The following SFT2D1 variants were observed in gnomAD, a reference collection of about 807,000 sequenced individuals.
The protein encoded by SFT2D1 is SFT2 domain containing 1.
In SFT2D1, 24 loss-of-function variants were observed where a neutral mutation model predicts 28.1. That is an observed-to-expected ratio of 0.85 (90% confidence interval 0.62 to 1.20). The LOEUF (loss-of-function observed/expected upper bound fraction) is 1.20. Ranked by LOEUF, SFT2D1 falls within the 50% of genes most tolerant of loss-of-function variation. The pLI is 0.00. For missense variants in SFT2D1, 181 were observed against 190.9 expected (o/e 0.95, Z 0.31); for synonymous variants, 82 against 73.7 (o/e 1.11, Z -0.58).
intron 1 of SFT2D1, among the ~76,000 whole-genome samples, chr6:166,341,087 C>T (rs958759973): frequency 2.0e-5 from 3 of 152,178 alleles, no homozygotes; most frequent in Non-Finnish European, 4.4e-5. Context: ...GCCTACTGAA[C>T]ATGTGAAATG....
chr6:166,330,082 C>A, intron 2 of SFT2D1, 79 bp downstream of exon 2: 1 of 1,094,180 alleles, frequency 9.1e-7, no homozygotes. Flanking sequence ...TAGTAAAGGA[C>A]ATTAGTTTTT....
chr6:166,320,011 T>C lies in SFT2D1; in HGVS notation c.*206A>G, dbSNP rs1355531908. ...AAATCTTATCTTTGGAAAAGTATAT[T>C]AATGACACATAATGAATTTAAAGTT... On this transcript the variant is annotated 3_prime_UTR_variant, in exon 8 of 8. Transcript: ENST00000361731. 2.0e-6 allele frequency: 1 copy of C among 511,540 alleles called. No individual in the cohort carries two copies. Among genetic ancestry groups the C allele is most frequent in the Non-Finnish European group, 3.4e-6 (1 of 291,472 alleles). The allele number at this position is 511,540 out of a possible 1,614,324, so 31.7% of individuals were successfully genotyped here.
rs1778316211 is a variant in SFT2D1, at chr6:166,319,931, G to T, written c.*286C>A. The T allele has an allele frequency of 1.0e-5, 3 of 300,406 alleles. No homozygotes were observed. 18.6% of individuals were successfully genotyped at this position (300,406 alleles called of 1,614,324 possible). A position where few individuals can be genotyped will look rare whatever the true frequency, so the allele number is the denominator to read the frequency against. On this transcript the variant is annotated 3_prime_UTR_variant, in exon 8 of 8. Coordinates refer to ENST00000361731, the MANE Select transcript of SFT2D1 (RefSeq NM_145169.3). Reference sequence around the variant, plus strand: ...CTTTAAATATTCACATTTCAAAGCTGCTTTGAAAAGATTTAAAAATTGGCT... The same window carrying T: ...CTTTAAATATTCACATTTCAAAGCTTCTTTGAAAAGATTTAAAAATTGGCT...
rs1164302007 is a variant in SFT2D1, at chr6:166,342,385, G to A, written c.63+34C>T. 3 of 1,538,702 alleles carry A rather than the reference G, an allele frequency of 1.9e-6. No homozygotes were observed. The South Asian group carries it at 3.6e-5, about 18-fold the overall frequency. On this transcript the variant is annotated intron_variant, in intron 1 of 7. Coordinates refer to ENST00000361731, the MANE Select transcript of SFT2D1 (RefSeq NM_145169.3). ...TCAGTGCGGCCGGGGCCAGCGGGCA[G>A]CCCCGGGACTGGACGAGGGCGCAAG...
At chr6:166,320,922 G>A (rs1220773183) in intron 7 of SFT2D1, among the ~76,000 whole-genome samples, 1 of 152,182 alleles carries the variant, frequency 6.6e-6, no homozygotes, top group Non-Finnish European at 1.5e-5. Flanking sequence ...TGGCCAACAT[G>A]GTGAAACCCC....
intron 7 of SFT2D1, among the ~76,000 whole-genome samples, chr6:166,322,152 G>A (rs1389285015): frequency 6.6e-6 from 1 of 152,080 alleles, no homozygotes; most frequent in Admixed American, 6.5e-5. Flanking sequence ...CAAAGTGCTA[G>A]GATTACAGGT....
At chr6:166,339,959 C>A (rs749408170) in intron 1 of SFT2D1, among the ~76,000 whole-genome samples, 1 of 152,200 alleles carries the variant, frequency 6.6e-6, no homozygotes, top group African/African-American at 2.4e-5. Flanking sequence ...TCAGACTTCA[C>A]GTCCACACTG....
At position 166,320,160 on chromosome 6, in the gene SFT2D1, C is replaced by G; in HGVS notation, c.*57G>C. 5 of 1,562,734 alleles carry G rather than the reference C, an allele frequency of 3.2e-6. No homozygotes were observed. The highest frequency in any genetic ancestry group is 4.4e-6 in the Non-Finnish European group (5 of 1,138,136). ...GGAGTGTTTTATGGGGAAAAGCAAA[C>G]TTCACCAAACATAGAGTACCAACAT... On this transcript the variant is annotated 3_prime_UTR_variant, in exon 8 of 8. Transcript: ENST00000361731.
intron 1 of SFT2D1, among the ~76,000 whole-genome samples, chr6:166,337,961 T>C (rs774224493): frequency 2.6e-5 from 4 of 152,140 alleles, no homozygotes; most frequent in Non-Finnish European, 5.9e-5. Context: ...ACTAAAGCTC[T>C]CTGCTCTCTG....
At chr6:166,333,997 C>G (rs1778599015) in intron 1 of SFT2D1, among the ~76,000 whole-genome samples, 1 of 152,214 alleles carries the variant, frequency 6.6e-6, no homozygotes, top group African/African-American at 2.4e-5. Flanking sequence ...GTCCACCCTG[C>G]TTTACAGCCA....
At chr6:166,322,917 T>C in intron 6 of SFT2D1, 31 bp from the exon 7 acceptor site, 1 of 1,592,860 alleles carries the variant, frequency 6.3e-7, no homozygotes, top group Non-Finnish European at 8.6e-7. Flanking sequence ...TGTTGAATCT[T>C]CATCTGAATG....
intron 1 of SFT2D1, 120 bp downstream of exon 1, chr6:166,342,299 A>G (rs1016031829): frequency 4.1e-5 from 34 of 826,000 alleles, no homozygotes; most frequent in Non-Finnish European, 5.2e-5. Flanking sequence ...TAAATCAACC[A>G]GCCGGGCAGA....
chr6:166,322,965 T>C, intron 6 of SFT2D1, 79 bp from the exon 7 acceptor site: 1 of 1,154,040 alleles, frequency 8.7e-7, no homozygotes, highest in East Asian at 2.4e-5. Context: ...TGTCTAACCT[T>C]ATAATAAATA....
rs372107720 is a variant in SFT2D1 at position 166,329,606 on chromosome 6, T to C, written c.151-17A>G. On this transcript the variant is annotated splice_polypyrimidine_tract_variant and intron_variant, in intron 2 of 7. Coordinates refer to ENST00000361731, the MANE Select transcript of SFT2D1 (RefSeq NM_145169.3). ...TCCAGTTCCCTAAGTTAAGATATTA[T>C]AGTTATTTTAAAATAATTTTATGAT... The C allele has an allele frequency of 3.8e-6, 6 of 1,560,394 alleles. No homozygotes were observed. The highest frequency in any genetic ancestry group is 5.2e-6 in the Non-Finnish European group (6 of 1,151,796).
At chr6:166,333,316 G>T (rs945871038) in intron 1 of SFT2D1, among the ~76,000 whole-genome samples, 1 of 152,126 alleles carries the variant, frequency 6.6e-6, no homozygotes, top group Non-Finnish European at 1.5e-5. Flanking sequence ...CCACGTGTGC[G>T]TGGGCAGCCT....
At chr6:166,327,032 A>G (rs1778457705) in intron 4 of SFT2D1, among the ~76,000 whole-genome samples, 1 of 152,240 alleles carries the variant, frequency 6.6e-6, no homozygotes. Flanking sequence ...GTAAGAAACT[A>G]TGAAGTTGAA....
intron 5 of SFT2D1, chr6:166,325,895 G>A: frequency 3.6e-6 from 2 of 558,816 alleles, no homozygotes; most frequent in Non-Finnish European, 6.4e-6. Flanking sequence ...CACCAGCTGG[G>A]TGGGTGAGCA....
intron 1 of SFT2D1, 72 bp downstream of exon 1, chr6:166,342,347 G>T (rs943204410): frequency 2.1e-6 from 3 of 1,426,878 alleles, no homozygotes; most frequent in Admixed American, 2.2e-5. Context: ...CACCCCACCC[G>T]CTCGGCCGGT....
intron 1 of SFT2D1, 22 bp downstream of exon 1, chr6:166,342,397 G>C (rs1749292935): frequency 6.5e-7 from 1 of 1,547,480 alleles, no homozygotes; most frequent in Admixed American, 2.0e-5. Context: ...CCCGGGACTG[G>C]ACGAGGGCGC....
Sources: allele counts gnomAD v4.1 joint callset (sites outside exome capture counted in the v4.1 genomes callset), GRCh38; gene constraint gnomAD v4.1.1; transcripts MANE v1.5; gene names NCBI Gene and HGNC (gene_info 2026-07-23, HGNC 2026-07-21).